The following LRRC37A2 variants were observed in gnomAD, a reference collection of about 807,000 sequenced individuals.
LRRC37A2 encodes the protein leucine rich repeat containing 37 member A2, also known as leucine-rich repeat-containing protein 37A2.
A neutral mutation model predicts 68.8 loss-of-function variants in LRRC37A2; 9 were observed. The observed-to-expected ratio is 0.13, with a 90% CI of 0.08 to 0.23. The LOEUF is 0.23. LRRC37A2 is among the 10% of genes least tolerant of loss of function. The pLI, the probability that LRRC37A2 is intolerant of heterozygous loss-of-function variation, is 1.00. For missense variants in LRRC37A2, 168 were observed against 950.4 expected (o/e 0.18, Z 10.82); for synonymous variants, 63 against 367.6 (o/e 0.17, Z 9.48).
the LRRC37A2 span, among the ~76,000 whole-genome samples, chr17:46,784,030 A>G: frequency 1.3e-5 from 2 of 151,474 alleles, no homozygotes; most frequent in African/African-American, 4.9e-5. Context: ...ATCCATTGCA[A>G]CCTCCCAGGG....
At chr17:46,608,850 TC>T in the LRRC37A2 span, among the ~76,000 whole-genome samples, 2 of 151,876 alleles carry the variant, frequency 1.3e-5, no homozygotes, top group African/African-American at 4.9e-5. Flanking sequence ...TGCCTTGGCC[TC>T]CCAAAGTGCT....
chr17:46,887,764 C>CG, the LRRC37A2 span, among the ~76,000 whole-genome samples: 7 of 129,934 alleles, frequency 5.4e-5, no homozygotes, highest in African/African-American at 2.0e-4. Flanking sequence ...ACTCCCTGTC[C>CG]AAAAGAAAGA....
At chr17:46,921,396 C>CT in the LRRC37A2 span, 4 of 152,310 alleles carry the variant, frequency 2.6e-5, no homozygotes, top group East Asian at 7.7e-4. Flanking sequence ...AAAACCTAGG[C>CT]AATACCATTC....
At chr17:46,759,472 T>C in the LRRC37A2 span, among the ~76,000 whole-genome samples, 16 of 152,260 alleles carry the variant, frequency 1.1e-4, no homozygotes, top group African/African-American at 3.4e-4. Context: ...TTTCCCAGCG[T>C]AGACGCCATG....
At chr17:46,873,192 C>T in the LRRC37A2 span, among the ~76,000 whole-genome samples, 7 of 152,106 alleles carry the variant, frequency 4.6e-5, no homozygotes, top group South Asian at 2.1e-4. Context: ...CCCGATGACA[C>T]GAGCCAGGCG....
the LRRC37A2 span, among the ~76,000 whole-genome samples, chr17:47,022,721 T>C: frequency 2.0e-5 from 3 of 152,236 alleles, no homozygotes; most frequent in Non-Finnish European, 4.4e-5. Flanking sequence ...ATGCCTTAGA[T>C]TTCTTTCCTT....
the LRRC37A2 span, among the ~76,000 whole-genome samples, chr17:46,913,623 T>C: frequency 6.6e-6 from 1 of 152,156 alleles, no homozygotes; most frequent in Non-Finnish European, 1.5e-5. Flanking sequence ...CTAGTTAGGA[T>C]GGCGGAAATG....
At chr17:46,544,544 G>T (rs2145679838) in intron 8 of LRRC37A2, among the ~76,000 whole-genome samples, 1 of 18,608 alleles carries the variant, frequency 5.4e-5, no homozygotes, top group Non-Finnish European at 8.3e-5. Flanking sequence ...ATTCATTAGA[G>T]GTAGGTACTA....
the LRRC37A2 span, among the ~76,000 whole-genome samples, chr17:46,883,753 A>G: frequency 6.6e-6 from 1 of 152,200 alleles, no homozygotes; most frequent in Non-Finnish European, 1.5e-5. Flanking sequence ...GCAAGGATTC[A>G]GGGCGACTGG....
the LRRC37A2 span, among the ~76,000 whole-genome samples, chr17:46,713,694 T>C: frequency 1.3e-5 from 2 of 152,338 alleles, no homozygotes; most frequent in South Asian, 4.1e-4. Context: ...TAGTTGCTAA[T>C]AAATAAGAGA....
chr17:46,785,928 C>T, the LRRC37A2 span, among the ~76,000 whole-genome samples: 6 of 152,212 alleles, frequency 3.9e-5, no homozygotes, highest in East Asian at 3.8e-4. Flanking sequence ...GCTCCTGGAG[C>T]GCCTGCCTGC....
the LRRC37A2 span, chr17:46,923,085 G>A: frequency 5.6e-5 from 44 of 787,744 alleles, no homozygotes; most frequent in Non-Finnish European, 9.2e-5. Flanking sequence ...GCCCTGGCCG[G>A]CAGGGGAGGG....
the LRRC37A2 span, among the ~76,000 whole-genome samples, chr17:46,709,756 A>G: frequency 6.6e-6 from 1 of 152,102 alleles, no homozygotes; most frequent in African/African-American, 2.4e-5. Context: ...CAGCCTCCCA[A>G]AGTGCTGGGA....
the LRRC37A2 span, chr17:46,773,558 G>A: frequency 1.6e-6 from 2 of 1,289,360 alleles, no homozygotes; most frequent in Admixed American, 4.9e-5. Flanking sequence ...CACCCTCCCA[G>A]AGGGACCCTG....
chr17:46,917,699 T>C, the LRRC37A2 span, among the ~76,000 whole-genome samples: 1 of 152,224 alleles, frequency 6.6e-6, no homozygotes, highest in African/African-American at 2.4e-5. Flanking sequence ...CAATCCCACA[T>C]TTCCGCTTGG....
chr17:46,991,343 T>C, the LRRC37A2 span, among the ~76,000 whole-genome samples: 2 of 152,160 alleles, frequency 1.3e-5, no homozygotes, highest in Non-Finnish European at 2.9e-5. Context: ...AGAAACAGTA[T>C]AGGCCAGGCA....
At chr17:46,769,917 C>T in the LRRC37A2 span, 1 of 1,613,568 alleles carries the variant, frequency 6.2e-7, no homozygotes. Flanking sequence ...CACTTCCAGC[C>T]TTCGCCAGGC....
At chr17:46,872,606 A>G in the LRRC37A2 span, 1 of 1,612,766 alleles carries the variant, frequency 6.2e-7, no homozygotes, top group Non-Finnish European at 8.5e-7. Context: ...AAGCAGTGTG[A>G]CCTGCTGAAG....
chr17:46,845,649 C>G, the LRRC37A2 span, among the ~76,000 whole-genome samples: 1 of 151,738 alleles, frequency 6.6e-6, no homozygotes, highest in Non-Finnish European at 1.5e-5. Context: ...CGCCACCACA[C>G]CTGGCTAACT....
Sources: gnomAD v4.1 joint callset for allele counts (sites outside exome capture counted in the v4.1 genomes callset) on GRCh38, gnomAD v4.1.1 for gene constraint, MANE v1.5 for transcripts, NCBI Gene and HGNC (gene_info 2026-07-23, HGNC 2026-07-21) for gene names.